VMP1: variants seen among roughly 807,000 people sequenced by gnomAD.
The protein encoded by VMP1 is vacuole membrane protein 1.
Under a neutral mutation model 56.0 loss-of-function variants are expected in VMP1, and 11 were observed. That is an observed-to-expected ratio of 0.20 (90% CI 0.12 to 0.32). The LOEUF (loss-of-function observed/expected upper bound fraction) is 0.32, where lower values mean the gene tolerates loss of function less well. Among genes scored for constraint, VMP1 ranks in the 10% least tolerant of loss-of-function variants. The pLI, the probability that VMP1 is intolerant of heterozygous loss-of-function variation, is 1.00. For synonymous variants in VMP1, 149 were observed against 165.0 expected (o/e 0.90, Z 0.74); for missense variants, 296 against 490.3 (o/e 0.60, Z 3.74).
chr17:59,828,348 C>T (rs1462139960), intron 10 of VMP1, among the ~76,000 whole-genome samples: 2 of 152,174 alleles, frequency 1.3e-5, no homozygotes, highest in Non-Finnish European at 2.9e-5. Context: ...AGGGCAATTG[C>T]AGATTATTTT....
intron 10 of VMP1, among the ~76,000 whole-genome samples, chr17:59,820,487 C>G (rs1464865716): frequency 6.6e-6 from 1 of 152,148 alleles, no homozygotes; most frequent in Non-Finnish European, 1.5e-5. Flanking sequence ...AGACCACCAC[C>G]CTCATTGAGA....
intron 1 of VMP1, among the ~76,000 whole-genome samples, chr17:59,713,265 G>C (rs1479844744): frequency 2.6e-5 from 4 of 151,794 alleles, no homozygotes; most frequent in East Asian, 3.9e-4. Context: ...TTGGGGGAAG[G>C]AGGGAGGGAT....
intron 7 of VMP1, among the ~76,000 whole-genome samples, chr17:59,795,114 T>G (rs191624991): frequency 1.3e-5 from 2 of 151,648 alleles, no homozygotes; most frequent in Non-Finnish European, 2.9e-5. Context: ...TAGCTGCGAT[T>G]ACAGGCATGC....
chr17:59,823,842 G>T (rs2038541437), intron 10 of VMP1, among the ~76,000 whole-genome samples: 1 of 152,024 alleles, frequency 6.6e-6, no homozygotes, highest in Admixed American at 6.6e-5. Flanking sequence ...TTAAAACCTT[G>T]CAGTCACAAA....
intron 1 of VMP1, chr17:59,730,096 A>T (rs1359483979): frequency 6.6e-6 from 1 of 152,104 alleles, no homozygotes; most frequent in African/African-American, 2.4e-5. Flanking sequence ...TTATGTGCTT[A>T]TTAGCAATTT....
chr17:59,825,077 ATTTTTTTTT>A (rs747807694), intron 10 of VMP1, among the ~76,000 whole-genome samples: 7 of 70,100 alleles, frequency 1.0e-4, no homozygotes, highest in South Asian at 5.0e-4. Flanking sequence ...GTTAGTTGTG[ATTTTTTTTT>A]TTTTTTTTTT....
intron 1 of VMP1, among the ~76,000 whole-genome samples, chr17:59,716,985 T>A (rs560571647): frequency 9.9e-4 from 150 of 152,278 alleles, no homozygotes; most frequent in African/African-American, 3.4e-3. Flanking sequence ...TTTATTTTTT[T>A]TTATTTTTTT....
At chr17:59,829,760 A>G (rs551787361) in intron 10 of VMP1, among the ~76,000 whole-genome samples, 3 of 152,102 alleles carry the variant, frequency 2.0e-5, no homozygotes, top group Non-Finnish European at 4.4e-5. Flanking sequence ...TTTTGTACAT[A>G]TAACAGATCA....
chr17:59,761,452 G>A (rs1265790182), intron 5 of VMP1, among the ~76,000 whole-genome samples: 2 of 152,208 alleles, frequency 1.3e-5, no homozygotes, highest in African/African-American at 2.4e-5. Context: ...GAACATTGAT[G>A]TGGGGGGAGG....
intron 1 of VMP1, chr17:59,730,025 A>C (rs1211661857): frequency 6.6e-6 from 1 of 151,932 alleles, no homozygotes; most frequent in African/African-American, 2.4e-5. Context: ...CAGGTATGAG[A>C]TTGTATCTCA....
intron 1 of VMP1, 76 bp from the exon 2 acceptor site, chr17:59,731,345 G>A: frequency 2.4e-6 from 2 of 820,120 alleles, no homozygotes; most frequent in South Asian, 1.8e-5. Flanking sequence ...TGTTATTCCT[G>A]TATTCAGTTT....
chr17:59,762,198 C>A (rs2036080496), intron 5 of VMP1, among the ~76,000 whole-genome samples: 1 of 152,176 alleles, frequency 6.6e-6, no homozygotes, highest in Non-Finnish European at 1.5e-5. Flanking sequence ...AAACCTTCAG[C>A]CATAGACCAG....
At chr17:59,725,203 G>C (rs908069552) in intron 1 of VMP1, among the ~76,000 whole-genome samples, 2 of 152,042 alleles carry the variant, frequency 1.3e-5, no homozygotes, top group African/African-American at 4.8e-5. Context: ...ATGGACCGTT[G>C]GTATATATTT....
At chr17:59,739,670 G>A (rs1264246053) in intron 5 of VMP1, among the ~76,000 whole-genome samples, 1 of 138,238 alleles carries the variant, frequency 7.2e-6, no homozygotes, top group East Asian at 2.2e-4. Context: ...CTTCCAGTGA[G>A]TGGAGATGGC....
intron 1 of VMP1, among the ~76,000 whole-genome samples, chr17:59,715,707 T>A (rs767681525): frequency 6.6e-6 from 1 of 152,242 alleles, no homozygotes; most frequent in African/African-American, 2.4e-5. Context: ...TTATTTCGTT[T>A]TAGATTTTGC....
At chr17:59,750,674 T>C in intron 5 of VMP1, among the ~76,000 whole-genome samples, 1 of 152,124 alleles carries the variant, frequency 6.6e-6, no homozygotes, top group South Asian at 2.1e-4. Context: ...ATCTTTATAG[T>C]GAGGTATATT....
chr17:59,751,369 A>G (rs1432912512), intron 5 of VMP1, among the ~76,000 whole-genome samples: 1 of 152,182 alleles, frequency 6.6e-6, no homozygotes, highest in African/African-American at 2.4e-5. Flanking sequence ...CAATGTTTGC[A>G]TAAAGAGAAC....
chr17:59,778,808 C>G (rs2036721048), intron 7 of VMP1, among the ~76,000 whole-genome samples: 1 of 152,200 alleles, frequency 6.6e-6, no homozygotes, highest in Non-Finnish European at 1.5e-5. Flanking sequence ...TTCACCTTTA[C>G]AATGGTATGA....
intron 10 of VMP1, among the ~76,000 whole-genome samples, chr17:59,825,202 T>C (rs963423234): frequency 4.7e-5 from 7 of 148,228 alleles, no homozygotes; most frequent in Non-Finnish European, 4.4e-5. Context: ...TTCTCCCGAG[T>C]AGCTGGGATT....
Sources: allele counts gnomAD v4.1 joint callset (sites outside exome capture counted in the v4.1 genomes callset), GRCh38; gene constraint gnomAD v4.1.1; transcripts MANE v1.5; gene names NCBI Gene and HGNC (gene_info 2026-07-23, HGNC 2026-07-21).